CD2AP: variants seen among roughly 807,000 people sequenced by gnomAD.
CD2AP encodes CD2 associated protein, also known as CD2-associated protein.
CD2AP carries 46 observed loss-of-function variants against 85.1 expected under a neutral mutation model. That is an observed-to-expected ratio of 0.54 (90% CI 0.43 to 0.69). CD2AP has a LOEUF of 0.69. Among genes scored for constraint, CD2AP ranks in the 30% least tolerant of loss-of-function variants. The pLI is 0.00. For missense variants in CD2AP, 769 were observed against 729.5 expected (o/e 1.05, Z -0.62); for synonymous variants, 255 against 252.9 (o/e 1.01, Z -0.08).
chr6:47,537,771 G>A (rs1767092132), intron 3 of CD2AP, among the ~76,000 whole-genome samples: 1 of 151,666 alleles, frequency 6.6e-6, no homozygotes, highest in African/African-American at 2.4e-5. Context: ...TAAGCATTAC[G>A]ATTTTTTTAT....
intron 2 of CD2AP, among the ~76,000 whole-genome samples, chr6:47,517,331 G>C (rs947909760): frequency 1.3e-5 from 2 of 152,004 alleles, no homozygotes; most frequent in South Asian, 4.2e-4. Flanking sequence ...CACCCAGGCG[G>C]GAGTGCAGTG....
chr6:47,572,976 C>T (rs1042006031), intron 5 of CD2AP, among the ~76,000 whole-genome samples: 1 of 152,136 alleles, frequency 6.6e-6, no homozygotes, highest in Non-Finnish European at 1.5e-5. Flanking sequence ...TTCCTTACCC[C>T]GTACCCCCGG....
rs141565660 is a variant in CD2AP at position 47,567,198 on chromosome 6, G to A, written c.542-6866G>A. Among the ~76,000 whole-genome samples the A allele has an allele frequency of 7.9e-5, 12 of 151,556 alleles. No homozygotes were observed. In the East Asian group the frequency reaches 2.1e-3, roughly 27 times the overall value. On this transcript the variant is annotated intron_variant, in intron 5 of 17. Coordinates refer to ENST00000359314, the MANE Select transcript of CD2AP (RefSeq NM_012120.3). ...GCTATCTTCATCTAATTTTCTTTTA[G>A]GTATGCTTATAGAACTATCTTTTCA...
At position 47,483,535 on chromosome 6, in the gene CD2AP, C is replaced by T. The variant is rs145895420; in HGVS notation, c.4+5287C>T. On this transcript the variant is annotated intron_variant, in intron 1 of 17. Coordinates refer to ENST00000359314, the MANE Select transcript of CD2AP (RefSeq NM_012120.3). ...AATACAAGGTGGGTATTTGCAGGAA[C>T]AAAAGTGAGCTTAGTTATTGGAATT... Among the ~76,000 whole-genome samples the T allele has an allele frequency of 1.1e-3, 172 of 152,196 alleles. 2 individuals are homozygous for T. Among genetic ancestry groups the T allele is most frequent in the East Asian group, 1.7e-3 (9 of 5,180 alleles).
Position 47,484,351 on chromosome 6 carries a change from C to CTT in CD2AP, c.4+6116_4+6117dup, listed in dbSNP as rs35006084. Among the ~76,000 whole-genome samples, 500 of 141,320 alleles carry CTT rather than the reference C, an allele frequency of 3.5e-3. 4 individuals carry two copies. Among genetic ancestry groups the CTT allele is most frequent in the African/African-American group, 0.012 (473 of 38,734 alleles). 92.7% of individuals were successfully genotyped at this position (141,320 alleles called of 152,430 possible). ...CTTTGGACTAAACTTGATATTACCTCTTTTTTTTTTTTTTGTTATGTTTTG... is the reference window on the plus strand; with the variant it reads ...CTTTGGACTAAACTTGATATTACCTCTTTTTTTTTTTTTTTTGTTATGTTTTG... On this transcript the variant is annotated intron_variant, in intron 1 of 17. Transcript: ENST00000359314.
intron 9 of CD2AP, chr6:47,579,778 C>T (rs138857183): frequency 3.6e-6 from 1 of 278,716 alleles, no homozygotes; most frequent in East Asian, 8.2e-5. Flanking sequence ...TAGTACTTTC[C>T]TGGAAGAAAT....
chr6:47,522,312 TAGC>T (rs1766619091), intron 2 of CD2AP, among the ~76,000 whole-genome samples: 1 of 152,194 alleles, frequency 6.6e-6, no homozygotes, highest in Non-Finnish European at 1.5e-5. Flanking sequence ...AAAAGAGTGT[TAGC>T]AGGACAGTAT....
At chr6:47,539,593 T>C (rs867780776) in intron 3 of CD2AP, among the ~76,000 whole-genome samples, 15 of 152,332 alleles carry the variant, frequency 9.8e-5, no homozygotes, top group Middle Eastern at 3.4e-3. Flanking sequence ...ATAATTTTAG[T>C]TTTGCCTCAT....
chr6:47,538,830 C>G (rs529700389), intron 3 of CD2AP, among the ~76,000 whole-genome samples: 43 of 152,232 alleles, frequency 2.8e-4, no homozygotes, highest in Admixed American at 1.3e-3. Context: ...CATGAAATAC[C>G]TAACTATTCT....
intron 5 of CD2AP, among the ~76,000 whole-genome samples, chr6:47,573,842 C>T (rs1164086465): frequency 6.6e-6 from 1 of 152,078 alleles, no homozygotes; most frequent in Non-Finnish European, 1.5e-5. Context: ...CTTAATTTTA[C>T]TAATTAAATT....
intron 9 of CD2AP, among the ~76,000 whole-genome samples, 161 bp from the exon 10 acceptor site, chr6:47,580,703 C>T (rs2114106341): frequency 1.3e-5 from 2 of 152,186 alleles, no homozygotes; most frequent in East Asian, 3.9e-4. Flanking sequence ...TTGTCATTGA[C>T]TTTTTGGGTA....
At chr6:47,534,734 C>T (rs756027160) in intron 3 of CD2AP, among the ~76,000 whole-genome samples, 3 of 151,742 alleles carry the variant, frequency 2.0e-5, no homozygotes, top group South Asian at 2.1e-4. Flanking sequence ...CAAAGAATTA[C>T]GGTGTTATGG....
intron 2 of CD2AP, among the ~76,000 whole-genome samples, chr6:47,516,899 A>G (rs1050442892): frequency 2.0e-5 from 3 of 152,188 alleles, no homozygotes; most frequent in African/African-American, 7.2e-5. Flanking sequence ...ACTTCAGTGT[A>G]TATCAATTCT....
At position 47,486,562 on chromosome 6, in the gene CD2AP, ATACTGAG is replaced by A. The variant is rs146772227; in HGVS notation, c.4+8320_4+8326del. Reference sequence around the variant, plus strand: ...TCTCATTAGTTTGACCAGTGATGATATACTGAGTACTGGCAGTAGTTAAGGTATTTTT... The same window carrying A: ...TCTCATTAGTTTGACCAGTGATGATATACTGGCAGTAGTTAAGGTATTTTT... On this transcript the variant is annotated intron_variant, in intron 1 of 17. Transcript: ENST00000359314. Among the ~76,000 whole-genome samples, 1,201 of 152,320 alleles carry A rather than the reference ATACTGAG, an allele frequency of 7.9e-3. 13 individuals are homozygous for A. The highest frequency in any genetic ancestry group is 0.027 in the African/African-American group (1,121 of 41,558).
At chr6:47,511,564 A>G (rs2113993652) in intron 2 of CD2AP, among the ~76,000 whole-genome samples, 1 of 152,358 alleles carries the variant, frequency 6.6e-6, no homozygotes. Flanking sequence ...TATACACACT[A>G]TTAACATTAG....
intron 2 of CD2AP, among the ~76,000 whole-genome samples, chr6:47,533,288 C>T (rs913889456): frequency 1.3e-5 from 2 of 152,034 alleles, no homozygotes; most frequent in African/African-American, 2.4e-5. Flanking sequence ...AGTTTGTTTA[C>T]CCCTGACTTT....
At position 47,547,539 on chromosome 6, in the gene CD2AP, G is replaced by A. The variant is rs544791403; in HGVS notation, c.420+2833G>A. 1.2e-3 allele frequency among the ~76,000 whole-genome samples: 182 copies of A among 152,056 alleles called. 3 individuals are homozygous for A. In the South Asian group the frequency reaches 0.037, roughly 31 times the overall value. ...AGCTCTTTAGTTTATAAGACAATTA[G>A]TAATAGGCCTAAGAAATGAGATAGT... On this transcript the variant is annotated intron_variant, in intron 4 of 17. Transcript: ENST00000359314.
intron 16 of CD2AP, among the ~76,000 whole-genome samples, chr6:47,612,237 G>C: frequency 6.6e-6 from 1 of 152,144 alleles, no homozygotes; most frequent in South Asian, 2.1e-4. Context: ...TTCGTGAGCT[G>C]CTCTGAATTT....
chr6:47,623,102 A>G (rs576464218), intron 17 of CD2AP, among the ~76,000 whole-genome samples: 40 of 152,362 alleles, frequency 2.6e-4, no homozygotes, highest in Non-Finnish European at 3.8e-4. Flanking sequence ...CTGCTAAAAC[A>G]TTGAGCTAAT....
Sources: gnomAD v4.1 joint callset for allele counts (sites outside exome capture counted in the v4.1 genomes callset) on GRCh38, gnomAD v4.1.1 for gene constraint, MANE v1.5 for transcripts, NCBI Gene and HGNC (gene_info 2026-07-23, HGNC 2026-07-21) for gene names.